Variants in DENND1B observed in about 807,000 individuals in gnomAD.
The protein encoded by DENND1B is DENN domain-containing protein 1B.
A neutral mutation model predicts 90.1 loss-of-function variants in DENND1B; 59 were observed. The observed-to-expected ratio is 0.65, with a 90% confidence interval of 0.53 to 0.81. The LOEUF (loss-of-function observed/expected upper bound fraction) is 0.81, where lower values mean the gene tolerates loss of function less well. Ranked by LOEUF, DENND1B falls within the 40% of genes least tolerant of loss-of-function variation. The probability of loss-of-function intolerance (pLI) is 0.00; values close to 1 mark genes in which losing one functional copy is unlikely to be tolerated. For synonymous variants in DENND1B, 337 were observed against 324.6 expected, an observed-to-expected ratio of 1.04 and a Z score of -0.41; for missense variants, 862 against 912.6, an observed-to-expected ratio of 0.94 and a Z score of 0.71.
chr1:197,506,771 T>C lies in DENND1B; in HGVS notation c.*3689A>G, dbSNP rs1429337566. ...GGGAGAGACTGTTTCTACAGAACGC[T>C]GTTATTCATATAAAAATAGTAAAAA... On this transcript the variant is annotated 3_prime_UTR_variant, in exon 23 of 23. Coordinates refer to ENST00000620048, the MANE Select transcript of DENND1B (RefSeq NM_001195215.2). 6.6e-6 allele frequency: 1 copy of C among 151,392 alleles called. No homozygotes were observed. The highest frequency in any genetic ancestry group is 3.2e-3 in the Middle Eastern group (1 of 316). 9.4% of individuals were successfully genotyped at this position (151,392 alleles called of 1,614,324 possible).
intron 2 of DENND1B, among the ~76,000 whole-genome samples, chr1:197,720,019 T>C (rs1010825417): frequency 6.6e-6 from 1 of 152,162 alleles, no homozygotes; most frequent in African/African-American, 2.4e-5. Context: ...TGATCAGAAG[T>C]AGGTTTTGAA....
chr1:197,764,812 C>T (rs1539413), intron 2 of DENND1B, among the ~76,000 whole-genome samples: 129,932 of 152,242 alleles, frequency 0.85, 55,849 homozygotes, highest in African/African-American at 0.95. Context: ...ATCAGATACA[C>T]ACTTTAAGTA....
At chr1:197,558,360 G>C (rs1671881301) in intron 15 of DENND1B, among the ~76,000 whole-genome samples, 1 of 151,576 alleles carries the variant, frequency 6.6e-6, no homozygotes, top group Non-Finnish European at 1.5e-5. Flanking sequence ...AATAATACAT[G>C]TAATTCTCAA....
At chr1:197,770,734 A>G (rs1656410091) in intron 2 of DENND1B, among the ~76,000 whole-genome samples, 1 of 142,124 alleles carries the variant, frequency 7.0e-6, no homozygotes, top group African/African-American at 2.6e-5. Context: ...ATAAATATAT[A>G]TAAATATATA....
chr1:197,743,316 T>C (rs1435770734), intron 2 of DENND1B, among the ~76,000 whole-genome samples: 1 of 152,218 alleles, frequency 6.6e-6, no homozygotes, highest in Non-Finnish European at 1.5e-5. Context: ...ACAAATTTTG[T>C]GGTTTCCTAG....
chr1:197,652,195 A>C (rs759627965), intron 7 of DENND1B, 40 bp downstream of exon 7: 2 of 1,555,362 alleles, frequency 1.3e-6, no homozygotes, highest in South Asian at 1.1e-5. Flanking sequence ...ATTGAGACAT[A>C]GCTATGACTC....
chr1:197,724,264 T>G (rs1014274576), intron 2 of DENND1B, among the ~76,000 whole-genome samples: 2 of 152,138 alleles, frequency 1.3e-5, no homozygotes, highest in Non-Finnish European at 2.9e-5. Context: ...ATTTTAAAAT[T>G]AATTTTAAAA....
chr1:197,725,772 C>T (rs1490814536), intron 2 of DENND1B, among the ~76,000 whole-genome samples: 1 of 151,786 alleles, frequency 6.6e-6, no homozygotes, highest in Non-Finnish European at 1.5e-5. Flanking sequence ...TAAAAAGGAA[C>T]CTGCTTACAC....
intron 14 of DENND1B, among the ~76,000 whole-genome samples, chr1:197,584,760 C>G (rs1163547121): frequency 6.6e-6 from 1 of 152,120 alleles, no homozygotes; most frequent in Non-Finnish European, 1.5e-5. Context: ...CAGCCTTGAC[C>G]TCCTGGGCTC....
intron 2 of DENND1B, among the ~76,000 whole-genome samples, chr1:197,756,607 GCCC>G (rs1353365020): frequency 7.5e-6 from 1 of 134,024 alleles, no homozygotes; most frequent in African/African-American, 2.8e-5. Flanking sequence ...AAAAAAATAT[GCCC>G]CCATTAAACA....
chr1:197,555,794 G>C (rs1671664263), intron 15 of DENND1B, among the ~76,000 whole-genome samples: 1 of 152,040 alleles, frequency 6.6e-6, no homozygotes, highest in South Asian at 2.1e-4. Flanking sequence ...AAAGCAGCTT[G>C]GACATTTCTC....
chr1:197,669,824 T>C (rs1429379256), intron 5 of DENND1B, among the ~76,000 whole-genome samples: 2 of 152,074 alleles, frequency 1.3e-5, no homozygotes, highest in East Asian at 3.8e-4. Flanking sequence ...AAATAAAAGA[T>C]AAAATATTCA....
chr1:197,747,012 T>C (rs1652776683), intron 2 of DENND1B: 2 of 887,378 alleles, frequency 2.3e-6, no homozygotes, highest in African/African-American at 1.6e-5. Flanking sequence ...TCTCAACATT[T>C]TTCCTTTTAA....
intron 2 of DENND1B, among the ~76,000 whole-genome samples, chr1:197,741,223 A>T (rs1009244187): frequency 1.3e-5 from 2 of 152,150 alleles, no homozygotes; most frequent in Non-Finnish European, 2.9e-5. Flanking sequence ...GAGTCCTCTC[A>T]CTGAAGCAGT....
rs1328516301 is a variant in DENND1B, at chr1:197,618,966, A to T, written c.673-1207T>A. On this transcript the variant is annotated intron_variant, in intron 10 of 22. Transcript: ENST00000620048. ...GCAAAATAGATCCATTACATAAAGT[A>T]AATTAAAATAACTCGATTTGAACCA... 2.0e-5 allele frequency among the ~76,000 whole-genome samples: 3 copies of T among 151,292 alleles called. No homozygotes were observed. In the East Asian group the frequency reaches 5.8e-4, roughly 29 times the overall value.
chr1:197,735,792 G>C, intron 2 of DENND1B: 9 of 1,611,204 alleles, frequency 5.6e-6, no homozygotes, highest in Non-Finnish European at 7.6e-6. Context: ...AAGCTGGACT[G>C]TCCTCTACAG....
At chr1:197,673,824 T>C (rs1281393257) in intron 4 of DENND1B, among the ~76,000 whole-genome samples, 1 of 152,108 alleles carries the variant, frequency 6.6e-6, no homozygotes, top group Non-Finnish European at 1.5e-5. Flanking sequence ...AGTATTTTTT[T>C]CCACTAGTGA....
chr1:197,504,843 A>C lies in DENND1B; in HGVS notation c.*5617T>G, dbSNP rs1667656861. 6.6e-6 allele frequency: 1 copy of C among 151,818 alleles called. No homozygotes were observed. The highest frequency in any genetic ancestry group is 2.4e-5 in the African/African-American group (1 of 41,400). 9.4% of individuals were successfully genotyped at this position (151,818 alleles called of 1,614,324 possible). On this transcript the variant is annotated 3_prime_UTR_variant, in exon 23 of 23. Transcript: ENST00000620048. ...TATTTATTTTTGCATATTTTTAAAAAAATTCCCAAAGCGATGCTTTTATAC... is the reference window on the plus strand; with the variant it reads ...TATTTATTTTTGCATATTTTTAAAACAATTCCCAAAGCGATGCTTTTATAC...
chr1:197,680,312 C>G (rs1656550387), intron 3 of DENND1B, among the ~76,000 whole-genome samples: 1 of 152,114 alleles, frequency 6.6e-6, no homozygotes, highest in South Asian at 2.1e-4. Context: ...CCTATACTAA[C>G]TAGTAATATT....
Sources: gnomAD v4.1 joint callset for allele counts (sites outside exome capture counted in the v4.1 genomes callset) on GRCh38, gnomAD v4.1.1 for gene constraint, MANE v1.5 for transcripts, NCBI Gene and HGNC (gene_info 2026-07-23, HGNC 2026-07-21) for gene names.